The following TLE4 variants were observed in gnomAD, a reference collection of about 807,000 sequenced individuals.
TLE4 encodes TLE family member 4, transcriptional corepressor, also known as transducin-like enhancer protein 4.
Under a neutral mutation model 92.8 loss-of-function variants are expected in TLE4, and 8 were observed. That is an observed-to-expected ratio of 0.09 (90% CI 0.05 to 0.16). TLE4 has a LOEUF of 0.16. Among genes scored for constraint, TLE4 ranks in the 10% least tolerant of loss-of-function variants. The pLI, the probability that TLE4 is intolerant of heterozygous loss-of-function variation, is 1.00. For synonymous variants in TLE4, 371 were observed against 374.1 expected (o/e 0.99, Z 0.10); for missense variants, 675 against 997.6 (o/e 0.68, Z 4.36).
chr9:79,615,480 G>C (rs1242230336), intron 5 of TLE4, among the ~76,000 whole-genome samples: 2 of 152,186 alleles, frequency 1.3e-5, no homozygotes, highest in African/African-American at 2.4e-5. Flanking sequence ...ATTGGCTGGA[G>C]CGATTGTGAG....
At chr9:79,590,326 T>C (rs2042237033) in intron 4 of TLE4, among the ~76,000 whole-genome samples, 1 of 152,232 alleles carries the variant, frequency 6.6e-6, no homozygotes, top group South Asian at 2.1e-4. Context: ...CAATGTGTGC[T>C]TCTTAAGCTT....
At chr9:79,577,804 G>A (rs890198533) in intron 4 of TLE4, among the ~76,000 whole-genome samples, 5 of 151,986 alleles carry the variant, frequency 3.3e-5, no homozygotes, top group African/African-American at 1.2e-4. Flanking sequence ...AGGTCTCCTT[G>A]TACCATCTAC....
At chr9:79,631,323 A>G (rs541311252) in intron 6 of TLE4, among the ~76,000 whole-genome samples, 119 of 152,288 alleles carry the variant, frequency 7.8e-4, no homozygotes, top group African/African-American at 2.5e-3. Flanking sequence ...GACTTTCTCT[A>G]CCTCCTGCAG....
chr9:79,680,028 T>C (rs4492450), intron 8 of TLE4, among the ~76,000 whole-genome samples: 79,623 of 151,080 alleles, frequency 0.53, 23,566 homozygotes, highest in East Asian at 0.74. Flanking sequence ...AGCCTTGTAG[T>C]ATAGTTTGAA....
chr9:79,619,865 T>G (rs892252526), intron 5 of TLE4, among the ~76,000 whole-genome samples: 2 of 152,222 alleles, frequency 1.3e-5, no homozygotes, highest in African/African-American at 4.8e-5. Context: ...AAAATATATA[T>G]TTTCTCATAA....
intron 6 of TLE4, chr9:79,649,979 A>G: frequency 1.1e-6 from 1 of 910,432 alleles, no homozygotes; most frequent in Non-Finnish European, 1.5e-6. Flanking sequence ...GCAGTAGCAC[A>G]ATCATGGCTC....
chr9:79,581,810 T>G (rs563911946), intron 4 of TLE4, among the ~76,000 whole-genome samples: 1 of 152,180 alleles, frequency 6.6e-6, no homozygotes, highest in African/African-American at 2.4e-5. Context: ...CCCTGAACTT[T>G]AGGCTCATAC....
At chr9:79,650,036 C>T (rs1165451681) in intron 6 of TLE4, among the ~76,000 whole-genome samples, 1 of 151,940 alleles carries the variant, frequency 6.6e-6, no homozygotes, top group East Asian at 1.9e-4. Flanking sequence ...CCACCTCAGC[C>T]TCCTGAGTAG....
chr9:79,716,285 C>T (rs1295307528), intron 14 of TLE4, among the ~76,000 whole-genome samples: 1 of 152,194 alleles, frequency 6.6e-6, no homozygotes, highest in Non-Finnish European at 1.5e-5. Context: ...CTGCCTGGCA[C>T]GTTCCCCATT....
At chr9:79,693,919 T>C (rs1225275049) in intron 8 of TLE4, among the ~76,000 whole-genome samples, 2 of 152,240 alleles carry the variant, frequency 1.3e-5, no homozygotes, top group African/African-American at 4.8e-5. Context: ...CCACTTAGCT[T>C]GATGCCAAAT....
chr9:79,714,253 A>C (rs143727662), intron 14 of TLE4, among the ~76,000 whole-genome samples: 1 of 152,220 alleles, frequency 6.6e-6, no homozygotes, highest in East Asian at 1.9e-4. Flanking sequence ...CACTCCCTTT[A>C]TCCCTCAAAA....
intron 4 of TLE4, among the ~76,000 whole-genome samples, chr9:79,592,263 C>CTTT (rs1482154795): frequency 2.9e-5 from 4 of 135,824 alleles, no homozygotes; most frequent in Admixed American, 1.5e-4. Flanking sequence ...TTTCTTCTTT[C>CTTT]TTCTTCTTCT....
At chr9:79,671,601 C>T (rs1486713896) in intron 8 of TLE4, 1 of 213,850 alleles carries the variant, frequency 4.7e-6, no homozygotes, top group East Asian at 9.0e-5. Context: ...TACACCTAAT[C>T]CCTGTCAATA....
intron 15 of TLE4, 103 bp downstream of exon 15, chr9:79,719,074 A>G (rs2075115448): frequency 6.8e-7 from 1 of 1,474,068 alleles, no homozygotes; most frequent in Non-Finnish European, 9.1e-7. Flanking sequence ...TATTGATCCC[A>G]GGTGGATAGT....
intron 1 of TLE4, chr9:79,573,151 C>T: frequency 6.3e-6 from 5 of 792,890 alleles, no homozygotes; most frequent in Non-Finnish European, 8.1e-6. Context: ...GAAGGAGGCG[C>T]GACTCCGCGC....
chr9:79,579,059 CAT>C (rs907623416), intron 4 of TLE4, among the ~76,000 whole-genome samples: 11 of 152,110 alleles, frequency 7.2e-5, no homozygotes, highest in Admixed American at 3.9e-4. Context: ...AGAAATGGCA[CAT>C]GTTTTAGTGT....
intron 8 of TLE4, among the ~76,000 whole-genome samples, chr9:79,689,380 A>G (rs1180015881): frequency 6.6e-6 from 1 of 152,090 alleles, no homozygotes; most frequent in South Asian, 2.1e-4. Context: ...ATGTAATTCA[A>G]ATAAGCAATT....
At position 79,725,788 on chromosome 9, in the gene TLE4, A is replaced by G. The variant is rs1292614026; in HGVS notation, c.*644A>G. The G allele has an allele frequency of 2.0e-5, 3 of 152,636 alleles. No homozygotes were observed. The highest frequency in any genetic ancestry group is 2.1e-4 in the South Asian group (1 of 4,834). The allele number at this position is 152,636 out of a possible 1,614,324, so 9.5% of individuals were successfully genotyped here. A position where few individuals can be genotyped will look rare whatever the true frequency, so the allele number is the denominator to read the frequency against. On this transcript the variant is annotated 3_prime_UTR_variant, in exon 20 of 20. Coordinates refer to ENST00000376552, the MANE Select transcript of TLE4 (RefSeq NM_007005.6). Reference sequence around the variant, plus strand: ...ATCTATTTAGACAACGTTAACCAATATATCTATAGCTTTAGATTATATTCG... The same window carrying G: ...ATCTATTTAGACAACGTTAACCAATGTATCTATAGCTTTAGATTATATTCG...
intron 4 of TLE4, among the ~76,000 whole-genome samples, chr9:79,609,523 T>C (rs2047891008): frequency 6.6e-6 from 1 of 152,056 alleles, no homozygotes; most frequent in African/African-American, 2.4e-5. Context: ...GCAACTTTTA[T>C]TGTTTTTTAA....
Sources: allele counts gnomAD v4.1 joint callset (sites outside exome capture counted in the v4.1 genomes callset), GRCh38; gene constraint gnomAD v4.1.1; transcripts MANE v1.5; gene names NCBI Gene and HGNC (gene_info 2026-07-23, HGNC 2026-07-21).